Variants in ADAMTS2 observed in about 807,000 individuals in gnomAD.
ADAMTS2 encodes A disintegrin and metalloproteinase with thrombospondin motifs 2.
Under a neutral mutation model 123.0 loss-of-function variants are expected in ADAMTS2, and 50 were observed. That is an observed-to-expected ratio of 0.41 (90% CI 0.32 to 0.51). The LOEUF is 0.51. ADAMTS2 is among the 20% of genes least tolerant of loss of function. The probability of loss-of-function intolerance (pLI) is 0.35; values close to 1 mark genes in which losing one functional copy is unlikely to be tolerated. For synonymous variants in ADAMTS2, 678 were observed against 695.4 expected, an observed-to-expected ratio of 0.98 and a Z score of 0.39; for missense variants, 1,494 against 1,705.2, an observed-to-expected ratio of 0.88 and a Z score of 2.18.
chr5:179,290,928 C>G (rs1756167157), intron 2 of ADAMTS2, among the ~76,000 whole-genome samples: 1 of 152,214 alleles, frequency 6.6e-6, no homozygotes, highest in African/African-American at 2.4e-5. Flanking sequence ...AGGGCCTATG[C>G]CTGAGCCACC....
intron 4 of ADAMTS2, among the ~76,000 whole-genome samples, chr5:179,190,917 G>A (rs1176835174): frequency 6.6e-6 from 1 of 152,272 alleles, no homozygotes; most frequent in Non-Finnish European, 1.5e-5. Flanking sequence ...AGAGCTGGAG[G>A]GGCTGCTGTG....
intron 4 of ADAMTS2, among the ~76,000 whole-genome samples, chr5:179,199,738 G>A (rs1037966825): frequency 3.3e-5 from 5 of 152,136 alleles, no homozygotes; most frequent in Non-Finnish European, 7.3e-5. Flanking sequence ...GTCTGGCTGT[G>A]CCTGTCATAA....
At chr5:179,310,206 G>A (rs1756791587) in intron 2 of ADAMTS2, among the ~76,000 whole-genome samples, 1 of 152,260 alleles carries the variant, frequency 6.6e-6, no homozygotes, top group South Asian at 2.1e-4. Flanking sequence ...GTCTGCTGTG[G>A]GGGCCTGTGG....
chr5:179,319,468 C>T (rs73808263), intron 2 of ADAMTS2, among the ~76,000 whole-genome samples: 1,715 of 152,242 alleles, frequency 0.011, 31 homozygotes, highest in African/African-American at 0.039. Context: ...ACATGCATGA[C>T]ACTCATGCAC....
intron 2 of ADAMTS2, among the ~76,000 whole-genome samples, chr5:179,288,178 C>G (rs1035205601): frequency 2.6e-5 from 4 of 152,226 alleles, no homozygotes; most frequent in African/African-American, 9.6e-5. Context: ...CATGCACACA[C>G]AGAGCCTGTG....
intron 4 of ADAMTS2, among the ~76,000 whole-genome samples, chr5:179,186,990 C>T (rs1269434641): frequency 3.3e-5 from 5 of 152,136 alleles, no homozygotes; most frequent in Middle Eastern, 3.2e-3. Flanking sequence ...GCCCTCTCCA[C>T]GCTGGCCCTG....
At chr5:179,205,795 G>A (rs1053288034) in intron 4 of ADAMTS2, among the ~76,000 whole-genome samples, 8 of 73,452 alleles carry the variant, frequency 1.1e-4, no homozygotes, top group African/African-American at 2.0e-4. Context: ...TTTTTGAGAC[G>A]GAGTCTCGCT....
intron 2 of ADAMTS2, among the ~76,000 whole-genome samples, chr5:179,294,816 C>A (rs1756285877): frequency 6.6e-6 from 1 of 152,242 alleles, no homozygotes; most frequent in South Asian, 2.1e-4. Context: ...CTTCAATTCC[C>A]TCATTGAGTC....
intron 2 of ADAMTS2, among the ~76,000 whole-genome samples, chr5:179,311,129 G>A (rs1756822801): frequency 6.6e-6 from 1 of 151,848 alleles, no homozygotes; most frequent in Admixed American, 6.6e-5. Context: ...TATAAGGGGA[G>A]GATGCGTATG....
At chr5:179,258,564 T>C (rs1250257589) in intron 3 of ADAMTS2, among the ~76,000 whole-genome samples, 1 of 152,152 alleles carries the variant, frequency 6.6e-6, no homozygotes, top group Non-Finnish European at 1.5e-5. Flanking sequence ...ACGGAGTCCC[T>C]GCAGTCGTCC....
chr5:179,239,990 C>A (rs886527990), intron 3 of ADAMTS2, among the ~76,000 whole-genome samples: 40 of 152,114 alleles, frequency 2.6e-4, no homozygotes, highest in African/African-American at 9.4e-4. Flanking sequence ...AGGCCTGGTC[C>A]AAGTGGGGTT....
chr5:179,136,965 G>A (rs1462080960), intron 12 of ADAMTS2, among the ~76,000 whole-genome samples: 4 of 143,138 alleles, frequency 2.8e-5, no homozygotes, highest in Admixed American at 6.9e-5. Context: ...GTGAGACTCC[G>A]TCTCAAAAAA....
At chr5:179,216,361 G>A (rs543518221) in intron 3 of ADAMTS2, among the ~76,000 whole-genome samples, 319 of 152,312 alleles carry the variant, frequency 2.1e-3, no homozygotes, top group Non-Finnish European at 3.4e-3. Flanking sequence ...GCCATGTGCC[G>A]ATGAGGGGCG....
intron 3 of ADAMTS2, among the ~76,000 whole-genome samples, chr5:179,238,137 C>T (rs1765572407): frequency 6.6e-6 from 1 of 152,220 alleles, no homozygotes; most frequent in African/African-American, 2.4e-5. Flanking sequence ...CAGTTCCATC[C>T]ACTCTGGGCT....
intron 2 of ADAMTS2, among the ~76,000 whole-genome samples, chr5:179,342,631 T>A (rs561715867): frequency 1.3e-5 from 2 of 151,792 alleles, no homozygotes; most frequent in Non-Finnish European, 2.9e-5. Context: ...GCTGGGAGAG[T>A]GGCCACTCAC....
rs148176976 is a variant in ADAMTS2, at chr5:179,200,836, C to T, written c.891+6677G>A. 9.5e-4 allele frequency among the ~76,000 whole-genome samples: 144 copies of T among 152,216 alleles called. 4 individuals are homozygous for T. In the East Asian group the frequency reaches 0.023, roughly 24 times the overall value. ...CAGGCGGAATAAAACAAAAGGTCAA[C>T]AACAGGACTGGGGGAAATATTTCCC... On this transcript the variant is annotated intron_variant, in intron 4 of 21. Coordinates refer to ENST00000251582, the MANE Select transcript of ADAMTS2 (RefSeq NM_014244.5).
chr5:179,167,439 T>G (rs921579918), intron 5 of ADAMTS2, among the ~76,000 whole-genome samples: 3 of 152,192 alleles, frequency 2.0e-5, no homozygotes, highest in African/African-American at 7.2e-5. Context: ...AAAAGTTCTG[T>G]TCCAATCGTT....
At position 179,302,190 on chromosome 5, in the gene ADAMTS2, G is replaced by A. The variant is rs138710529; in HGVS notation, c.535-29126C>T. Among the ~76,000 whole-genome samples, 42 of 152,088 alleles carry A rather than the reference G, an allele frequency of 2.8e-4. 1 individual carries two copies. In the East Asian group the frequency reaches 4.3e-3, roughly 15 times the overall value. ...ATAGACGGGGGTGATGGCCGGGTGC[G>A]GTGGCTCATGCCTGTAATCCCAGCA... On this transcript the variant is annotated intron_variant, in intron 2 of 21. Coordinates refer to ENST00000251582, the MANE Select transcript of ADAMTS2 (RefSeq NM_014244.5).
chr5:179,125,168 G>T lies in ADAMTS2; in HGVS notation c.2763C>A (p.Gly921=). 1 of 1,612,462 alleles carries T rather than the reference G, an allele frequency of 6.2e-7. No homozygotes were observed. ...AGGTCTGGCTACATGGCTCCCATTC[G>T]CCTGTGACCCACCTGCCAGGGCAGA... ...QECSQPVWVT[G]EWEPCSQTCG... Residue 921 remains glycine, a synonymous_variant, in exon 19 of 22, where the codon GGC becomes GGA. Transcript: ENST00000251582.
Sources: gnomAD v4.1 joint callset for allele counts (sites outside exome capture counted in the v4.1 genomes callset) on GRCh38, gnomAD v4.1.1 for gene constraint, MANE v1.5 for transcripts, NCBI Gene and HGNC (gene_info 2026-07-23, HGNC 2026-07-21) for gene names.